The following SVOP variants were observed in gnomAD, a reference collection of about 807,000 sequenced individuals.
SVOP encodes SV2 related protein, also known as synaptic vesicle 2-related protein.
SVOP carries 17 observed loss-of-function variants against 69.1 expected under a neutral mutation model. That is an observed-to-expected ratio of 0.25 (90% CI 0.17 to 0.37). The LOEUF (loss-of-function observed/expected upper bound fraction) is 0.37, where lower values mean the gene tolerates loss of function less well. Ranked by LOEUF, SVOP falls within the 10% of genes least tolerant of loss-of-function variation. The probability of loss-of-function intolerance (pLI) is 1.00; values close to 1 mark genes in which losing one functional copy is unlikely to be tolerated. For missense variants in SVOP, 435 were observed against 597.5 expected (o/e 0.73, Z 2.84); for synonymous variants, 238 against 238.6 (o/e 1.00, Z 0.02).
chr12:108,958,163 G>A (rs1422065035), intron 6 of SVOP, among the ~76,000 whole-genome samples: 1 of 152,052 alleles, frequency 6.6e-6, no homozygotes, highest in Non-Finnish European at 1.5e-5. Context: ...ACCCAGAGTT[G>A]GCCTATTTTC....
intron 1 of SVOP, among the ~76,000 whole-genome samples, chr12:109,012,549 T>A (rs1040211662): frequency 1.3e-5 from 2 of 152,180 alleles, no homozygotes; most frequent in Non-Finnish European, 2.9e-5. Context: ...TAACATTTTT[T>A]AAAATATTAA....
chr12:108,924,249 G>A (rs1384386680), intron 11 of SVOP, among the ~76,000 whole-genome samples: 2 of 152,132 alleles, frequency 1.3e-5, no homozygotes, highest in Admixed American at 6.5e-5. Flanking sequence ...CCCCAGGACC[G>A]ACAGAAATAA....
chr12:108,943,652 C>A (rs2039905775), intron 7 of SVOP, among the ~76,000 whole-genome samples: 1 of 151,786 alleles, frequency 6.6e-6, no homozygotes, highest in Non-Finnish European at 1.5e-5. Context: ...ACCACCTGCA[C>A]TGGGCCAAGA....
In SVOP at chr12:108,918,034, C is replaced by A; in HGVS notation, c.1350+9G>T. ...CCGTTCCCCAGCAGCTCCCAGACAC[C>A]CCTCCTACCTCAGGTGTGTAAACAT... On this transcript the variant is annotated intron_variant, in intron 14 of 15. Transcript: ENST00000610966. The A allele has an allele frequency of 6.4e-7, 1 of 1,562,820 alleles. No homozygotes were observed. Among genetic ancestry groups the A allele is most frequent in the Non-Finnish European group, 8.7e-7 (1 of 1,154,280 alleles).
intron 6 of SVOP, among the ~76,000 whole-genome samples, chr12:108,952,230 C>CTTTTTTTTTTTTTTTTTTTT (rs36191772): frequency 2.0e-5 from 2 of 98,360 alleles, no homozygotes; most frequent in Non-Finnish European, 4.0e-5. Flanking sequence ...TTTCTTTTCT[C>CTTTTTTTTTTTTTTTTTTTT]TTTTTTTTTT....
chr12:108,973,963 A>C (rs563084325), intron 4 of SVOP, among the ~76,000 whole-genome samples: 51 of 152,350 alleles, frequency 3.3e-4, no homozygotes, highest in Non-Finnish European at 5.4e-4. Flanking sequence ...TTTCAACAGA[A>C]TTGAAAAACA....
chr12:108,918,384 G>A (rs1266162500), intron 13 of SVOP, among the ~76,000 whole-genome samples: 1 of 152,262 alleles, frequency 6.6e-6, no homozygotes, highest in African/African-American at 2.4e-5. Context: ...AGATTAGGGA[G>A]AAGTGATATA....
chr12:108,915,297 C>T (rs1358445352), intron 15 of SVOP, among the ~76,000 whole-genome samples: 1 of 152,052 alleles, frequency 6.6e-6, no homozygotes, highest in African/African-American at 2.4e-5. Context: ...AGGTAGTGAG[C>T]CCAGTACCCA....
intron 1 of SVOP, among the ~76,000 whole-genome samples, chr12:109,019,124 T>C (rs2040383163): frequency 6.6e-6 from 1 of 152,188 alleles, no homozygotes; most frequent in Non-Finnish European, 1.5e-5. Context: ...ATCAAGAAAC[T>C]TAACTCTGGG....
chr12:109,014,118 C>G (rs572122931), intron 1 of SVOP, among the ~76,000 whole-genome samples: 1 of 150,310 alleles, frequency 6.7e-6, no homozygotes, highest in South Asian at 2.1e-4. Context: ...TAAGTTCAAG[C>G]GATTCTCGTG....
At chr12:109,013,338 G>A (rs1266559259) in intron 1 of SVOP, among the ~76,000 whole-genome samples, 1 of 151,918 alleles carries the variant, frequency 6.6e-6, no homozygotes, top group African/African-American at 2.4e-5. Context: ...GAAGGCTGCA[G>A]CTTTTTTTCC....
intron 6 of SVOP, among the ~76,000 whole-genome samples, chr12:108,948,324 T>C (rs1232512219): frequency 6.6e-6 from 1 of 152,374 alleles, no homozygotes; most frequent in East Asian, 1.9e-4. Context: ...TGTCTGCTTC[T>C]ATGCAACCCA....
chr12:109,002,773 A>G (rs1205741448), intron 1 of SVOP, among the ~76,000 whole-genome samples: 1 of 135,266 alleles, frequency 7.4e-6, no homozygotes, highest in Non-Finnish European at 1.5e-5. Flanking sequence ...TCACATGGAC[A>G]CAGGAAGGGA....
intron 6 of SVOP, among the ~76,000 whole-genome samples, chr12:108,955,237 C>G (rs970533229): frequency 2.0e-5 from 3 of 152,218 alleles, no homozygotes; most frequent in African/African-American, 7.2e-5. Flanking sequence ...CTGAGCATCC[C>G]TGGTAAGGGA....
At chr12:108,935,771 T>C (rs932763585) in intron 10 of SVOP, among the ~76,000 whole-genome samples, 2 of 152,210 alleles carry the variant, frequency 1.3e-5, no homozygotes, top group Non-Finnish European at 2.9e-5. Flanking sequence ...ACTTGAAAGA[T>C]GACTGCAGCT....
intron 1 of SVOP, among the ~76,000 whole-genome samples, chr12:109,014,923 T>TTTGTTGCCCA (rs2040359936): frequency 1.3e-5 from 2 of 152,054 alleles, no homozygotes; most frequent in African/African-American, 4.8e-5. Flanking sequence ...GGGGTCTTGC[T>TTTGTTGCCCA]TTGTTGCCCA....
At chr12:108,921,905 A>G (rs2039750180) in intron 12 of SVOP, among the ~76,000 whole-genome samples, 1 of 152,240 alleles carries the variant, frequency 6.6e-6, no homozygotes, top group Non-Finnish European at 1.5e-5. Context: ...AGGCCTTGGC[A>G]TACAACAGGT....
intron 1 of SVOP, among the ~76,000 whole-genome samples, chr12:108,984,103 T>C (rs1185739230): frequency 1.3e-5 from 2 of 152,224 alleles, no homozygotes; most frequent in Non-Finnish European, 2.9e-5. Flanking sequence ...CATCTGTCTA[T>C]ATCTAACATT....
chr12:108,941,377 C>T (rs1232160342), intron 7 of SVOP, among the ~76,000 whole-genome samples: 4 of 152,078 alleles, frequency 2.6e-5, no homozygotes, highest in African/African-American at 9.7e-5. Flanking sequence ...CACATGCCAC[C>T]ATGCCTGGCT....
Sources: allele counts gnomAD v4.1 joint callset (sites outside exome capture counted in the v4.1 genomes callset), GRCh38; gene constraint gnomAD v4.1.1; transcripts MANE v1.5; gene names NCBI Gene and HGNC (gene_info 2026-07-23, HGNC 2026-07-21).